The following GRM7 variants were observed in gnomAD, a reference collection of about 807,000 sequenced individuals.
GRM7 encodes the protein metabotropic glutamate receptor 7.
GRM7 carries 35 observed loss-of-function variants against 84.5 expected under a neutral mutation model. That is an observed-to-expected ratio of 0.41 (90% CI 0.32 to 0.55). GRM7 has a LOEUF of 0.55. GRM7 is among the 20% of genes least tolerant of loss of function. The pLI is 0.19. For missense variants in GRM7, 1,003 were observed against 1,194.6 expected (o/e 0.84, Z 2.36); for synonymous variants, 487 against 455.1 (o/e 1.07, Z -0.89).
intron 4 of GRM7, among the ~76,000 whole-genome samples, chr3:7,342,918 C>T (rs763442188): frequency 5.3e-5 from 8 of 152,110 alleles, no homozygotes; most frequent in Admixed American, 2.6e-4. Flanking sequence ...CTGTAAAATG[C>T]GGTATAGTTA....
intron 7 of GRM7, among the ~76,000 whole-genome samples, chr3:7,576,990 A>C (rs1694998696): frequency 1.3e-5 from 2 of 152,180 alleles, no homozygotes; most frequent in African/African-American, 4.8e-5. Context: ...CTTTCCACTC[A>C]GCTTCCCTCT....
At chr3:7,647,554 C>G (rs62233877) in intron 8 of GRM7, among the ~76,000 whole-genome samples, 34,452 of 151,988 alleles carry the variant, frequency 0.23, 5,075 homozygotes, top group Non-Finnish European at 0.33. Flanking sequence ...CAATAGAAAG[C>G]CAATGGGGAG....
At chr3:7,082,421 C>T (rs1698304942) in intron 1 of GRM7, among the ~76,000 whole-genome samples, 1 of 152,098 alleles carries the variant, frequency 6.6e-6, no homozygotes, top group South Asian at 2.1e-4. Context: ...AAAAAGATTA[C>T]TTTCAAGACA....
At chr3:7,662,265 A>T (rs1165797762) in intron 8 of GRM7, among the ~76,000 whole-genome samples, 2 of 152,334 alleles carry the variant, frequency 1.3e-5, no homozygotes, top group East Asian at 3.9e-4. Context: ...GAGAAATACA[A>T]AGAGGAATAA....
intron 1 of GRM7, among the ~76,000 whole-genome samples, chr3:7,118,622 A>G (rs1050328828): frequency 1.7e-4 from 26 of 150,726 alleles, no homozygotes. Context: ...AAAAAAAAAG[A>G]AGAGCCAAAG....
rs547371984 is a variant in GRM7 at position 7,486,078 on chromosome 3, T to C, written c.1515+24356T>C. Among the ~76,000 whole-genome samples the C allele has an allele frequency of 4.6e-5, 7 of 152,326 alleles. No homozygotes were observed. Among genetic ancestry groups the C allele is most frequent in the South Asian group, 4.1e-4 (2 of 4,828 alleles). On this transcript the variant is annotated intron_variant, in intron 7 of 9. Transcript: ENST00000357716. This position sits in a 1 kb window ranked among gnomAD's most constrained non-coding sequence, Gnocchi z 5.5. ...AAGTTGAGATAAACTTTAAAGTTCT[T>C]CAAAGAGTCAAAGGATGAGATAAAA...
chr3:7,298,424 TATC>T (rs1699885637), intron 2 of GRM7, among the ~76,000 whole-genome samples: 1 of 152,182 alleles, frequency 6.6e-6, no homozygotes, highest in Non-Finnish European at 1.5e-5. Flanking sequence ...TCTGAAGTAA[TATC>T]ATTGGTATTG....
intron 1 of GRM7, among the ~76,000 whole-genome samples, chr3:6,870,434 T>C (rs1695084631): frequency 6.6e-6 from 1 of 151,766 alleles, no homozygotes; most frequent in African/African-American, 2.4e-5. Flanking sequence ...CTGAGTAGAG[T>C]CAATGAGGAG....
chr3:6,971,196 A>G (rs1164386180), intron 1 of GRM7, among the ~76,000 whole-genome samples: 5 of 152,328 alleles, frequency 3.3e-5, no homozygotes, highest in Admixed American at 1.3e-4. Flanking sequence ...ATTAAAAATA[A>G]CAACAAAGCA....
chr3:7,089,503 A>G (rs1299164785), intron 1 of GRM7, among the ~76,000 whole-genome samples: 1 of 152,174 alleles, frequency 6.6e-6, no homozygotes, highest in Non-Finnish European at 1.5e-5. Flanking sequence ...AGGATTGTAT[A>G]TATTTCATCT....
chr3:7,409,475 C>T (rs955316825), intron 4 of GRM7, among the ~76,000 whole-genome samples: 1 of 152,026 alleles, frequency 6.6e-6, no homozygotes, highest in African/African-American at 2.4e-5. Context: ...TGCTCTTTTT[C>T]ACTGTGTCTC....
chr3:6,891,641 C>A lies in GRM7; in HGVS notation c.519+29734C>A, dbSNP rs189045853. Among the ~76,000 whole-genome samples the A allele has an allele frequency of 4.4e-3, 674 of 152,266 alleles. 3 individuals carry two copies. Among genetic ancestry groups the A allele is most frequent in the African/African-American group, 0.016 (650 of 41,546 alleles). On this transcript the variant is annotated intron_variant, in intron 1 of 9. Transcript: ENST00000357716. ...GGGCTTCCCTTTGTGGGTAACCCGA[C>A]CTTTCTCTCTGGCTGCCCTTAACAT...
At chr3:7,738,278 A>G (rs1702571534) in intron 9 of GRM7, among the ~76,000 whole-genome samples, 1 of 152,172 alleles carries the variant, frequency 6.6e-6, no homozygotes, top group South Asian at 2.1e-4. Context: ...TCTTCCTATT[A>G]TAGCATGGAG....
At chr3:7,345,443 CTTAT>C (rs953787682) in intron 4 of GRM7, among the ~76,000 whole-genome samples, 21 of 151,950 alleles carry the variant, frequency 1.4e-4, no homozygotes, top group African/African-American at 4.6e-4. Flanking sequence ...CCATGCCTGG[CTTAT>C]TTATTTATTT....
intron 4 of GRM7, among the ~76,000 whole-genome samples, chr3:7,346,133 A>G (rs1508717): frequency 0.66 from 99,516 of 151,854 alleles, 33,496 homozygotes; most frequent in African/African-American, 0.82. Flanking sequence ...GGCAACCATA[A>G]TTGAGAAGGA....
intron 2 of GRM7, among the ~76,000 whole-genome samples, chr3:7,263,136 G>A (rs1262750260): frequency 5.9e-5 from 9 of 152,152 alleles, no homozygotes; most frequent in Admixed American, 5.9e-4. Flanking sequence ...GGGCTTAGTT[G>A]TGGTATAAGG....
At chr3:7,680,365 T>C in intron 9 of GRM7, 70 bp downstream of exon 9, 1 of 1,513,424 alleles carries the variant, frequency 6.6e-7, no homozygotes, top group Non-Finnish European at 9.1e-7. Flanking sequence ...TGGGGTGTGC[T>C]TGCCTCTCTG....
chr3:7,690,470 C>T (rs1479515634), intron 9 of GRM7, among the ~76,000 whole-genome samples: 1 of 152,054 alleles, frequency 6.6e-6, no homozygotes, highest in African/African-American at 2.4e-5. Context: ...CCAGATAAAG[C>T]CTCTAAGGTC....
chr3:7,561,126 C>G (rs1694007456), intron 7 of GRM7, among the ~76,000 whole-genome samples: 1 of 152,114 alleles, frequency 6.6e-6, no homozygotes, highest in Non-Finnish European at 1.5e-5. Flanking sequence ...TCATCCTCAT[C>G]ACCATCTGTG....
Sources: gnomAD v4.1 joint callset for allele counts (sites outside exome capture counted in the v4.1 genomes callset) on GRCh38, gnomAD v4.1.1 for gene constraint, Gnocchi (gnomAD v3.1) non-coding constraint, MANE v1.5 for transcripts, NCBI Gene and HGNC (gene_info 2026-07-23, HGNC 2026-07-21) for gene names.